The following ZDHHC23 variants were observed in gnomAD, a reference collection of about 807,000 sequenced individuals.
ZDHHC23 encodes the protein palmitoyltransferase ZDHHC23.
A neutral mutation model predicts 40.2 loss-of-function variants in ZDHHC23; 41 were observed. The observed-to-expected ratio is 1.02, with a 90% CI of 0.79 to 1.32. The LOEUF (loss-of-function observed/expected upper bound fraction) is 1.32, where lower values mean the gene tolerates loss of function less well. ZDHHC23 is among the 40% of genes most tolerant of loss of function. The pLI is 0.00. For synonymous variants in ZDHHC23, 204 were observed against 210.2 expected, an observed-to-expected ratio of 0.97 and a Z score of 0.26; for missense variants, 471 against 541.5, an observed-to-expected ratio of 0.87 and a Z score of 1.29.
chr3:113,974,934 G>C, the ZDHHC23 span, among the ~76,000 whole-genome samples: 1 of 152,018 alleles, frequency 6.6e-6, no homozygotes, highest in Admixed American at 6.6e-5. Context: ...CATGTTATTA[G>C]GTATTTTTTT....
downstream of ZDHHC23, chr3:113,965,069 G>C: frequency 1.5e-6 from 1 of 667,642 alleles, no homozygotes; most frequent in Non-Finnish European, 2.5e-6. Flanking sequence ...TAAACCAGGT[G>C]TATGTATGTA....
At chr3:113,979,324 C>T in the ZDHHC23 span, among the ~76,000 whole-genome samples, 2 of 152,184 alleles carry the variant, frequency 1.3e-5, no homozygotes, top group Non-Finnish European at 2.9e-5. Context: ...TAGCTGGCAA[C>T]ATTCTCAATT....
chr3:113,960,799 A>G lies in ZDHHC23; in HGVS notation c.*2169A>G. 1 of 1,498,288 alleles carries G rather than the reference A, an allele frequency of 6.7e-7. No individual in the cohort carries two copies. The allele number at this position is 1,498,288 out of a possible 1,614,324, so 92.8% of individuals were successfully genotyped here. A position where few individuals can be genotyped will look rare whatever the true frequency, so the allele number is the denominator to read the frequency against. The stretch of plus-strand genomic sequence containing the variant: ...TGTATTATTCAGGTTTATTGGCACG[A>G]AGATACTTGTTTTAAGTTCCTTGAG... On this transcript the variant is annotated 3_prime_UTR_variant, in exon 5 of 5. Coordinates refer to ENST00000638807, the MANE Select transcript of ZDHHC23 (RefSeq NM_001320466.2).
downstream of ZDHHC23, among the ~76,000 whole-genome samples, chr3:113,968,622 T>TTTTG (rs1000631629): frequency 6.8e-6 from 1 of 148,078 alleles, no homozygotes; most frequent in African/African-American, 2.5e-5. Flanking sequence ...GCTAATAGTT[T>TTTTG]TTTGTTTTTT....
intron 4 of ZDHHC23, among the ~76,000 whole-genome samples, chr3:113,956,941 C>T (rs1939282542): frequency 2.0e-5 from 3 of 152,166 alleles, no homozygotes; most frequent in Admixed American, 6.5e-5. Context: ...TTACTGCTTC[C>T]GACCCTTTTG....
downstream of ZDHHC23, among the ~76,000 whole-genome samples, chr3:113,969,377 CTTTGGTTG>C (rs551201637): frequency 1.1e-4 from 17 of 152,200 alleles, no homozygotes; most frequent in African/African-American, 4.1e-4. Context: ...TCTATTTTTG[CTTTGGTTG>C]TCTGTGCTTT....
At chr3:113,967,318 C>G (rs1307630369), downstream of ZDHHC23, among the ~76,000 whole-genome samples, 4 of 152,124 alleles carry the variant, frequency 2.6e-5, no homozygotes, top group Non-Finnish European at 5.9e-5. Flanking sequence ...CTGTTCTACC[C>G]TAACTGAAAA....
chr3:113,975,962 T>C, the ZDHHC23 span, among the ~76,000 whole-genome samples: 1 of 152,122 alleles, frequency 6.6e-6, no homozygotes, highest in Non-Finnish European at 1.5e-5. Flanking sequence ...TACTATTTTA[T>C]AGTCTAAAAA....
rs753716546 is a variant in ZDHHC23, at chr3:113,948,833, A to G, written c.31A>G (p.Lys11Glu). Residue 11 changes from lysine to glutamate, a missense_variant, in exon 2 of 5, where the codon AAG becomes GAG. Lys to Glu is a moderately conservative substitution (Grantham distance 56). This residue lies in a region of ZDHHC23 where 83 missense variants were observed against 67.8 expected (regional missense o/e 1.22). Coordinates refer to ENST00000638807, the MANE Select transcript of ZDHHC23 (RefSeq NM_001320466.2). Reference protein sequence around the residue: MTQKGSMKPVKKKKTEEPELE... With the variant: MTQKGSMKPVEKKKTEEPELE... ...ACAGAAGGGCAGTATGAAGCCTGTGAAGAAAAAGAAAACCGAAGAACCTGA... is the reference window on the plus strand; with the variant it reads ...ACAGAAGGGCAGTATGAAGCCTGTGGAGAAAAAGAAAACCGAAGAACCTGA... 60 of 1,614,050 alleles carry G rather than the reference A, an allele frequency of 3.7e-5. No homozygotes were observed. The highest frequency in any genetic ancestry group is 4.9e-5 in the Non-Finnish European group (58 of 1,180,040).
In ZDHHC23 at chr3:113,961,549, T is replaced by G. The variant is rs1424715558; in HGVS notation, c.*2919T>G. ...ATAGGTTACCCTGATGCTGCTAAAGTAAAGCCTTAAGTGTGTTTTTGGGAC... is the reference window on the plus strand; with the variant it reads ...ATAGGTTACCCTGATGCTGCTAAAGGAAAGCCTTAAGTGTGTTTTTGGGAC... On this transcript the variant is annotated 3_prime_UTR_variant, in exon 5 of 5. Coordinates refer to ENST00000638807, the MANE Select transcript of ZDHHC23 (RefSeq NM_001320466.2). The G allele has an allele frequency of 6.6e-6, 1 of 152,660 alleles. No homozygotes were observed. The highest frequency in any genetic ancestry group is 1.5e-5 in the Non-Finnish European group (1 of 68,036). 9.5% of individuals were successfully genotyped at this position (152,660 alleles called of 1,614,324 possible). A position where few individuals can be genotyped will look rare whatever the true frequency, so the allele number is the denominator to read the frequency against.
At chr3:113,968,712 A>G (rs535811859), downstream of ZDHHC23, among the ~76,000 whole-genome samples, 1 of 151,064 alleles carries the variant, frequency 6.6e-6, no homozygotes, top group African/African-American at 2.4e-5. Context: ...CACCCACCTT[A>G]GCCTCCCAAA....
rs148983505 is a variant in ZDHHC23 at position 113,949,603 on chromosome 3, T to C, written c.161+640T>C. On this transcript the variant is annotated intron_variant, in intron 2 of 4. Coordinates refer to ENST00000638807, the MANE Select transcript of ZDHHC23 (RefSeq NM_001320466.2). ...TTTTAACATCACTGAAAAAATTTGGTGTCGGACAGTGAATAATCTGGTTTT... is the reference window on the plus strand; with the variant it reads ...TTTTAACATCACTGAAAAAATTTGGCGTCGGACAGTGAATAATCTGGTTTT... Among the ~76,000 whole-genome samples, 33 of 152,366 alleles carry C rather than the reference T, an allele frequency of 2.2e-4. No homozygotes were observed. The East Asian group carries it at 5.0e-3, about 23-fold the overall frequency.
At chr3:113,972,102 T>G in the ZDHHC23 span, among the ~76,000 whole-genome samples, 1 of 152,090 alleles carries the variant, frequency 6.6e-6, no homozygotes, top group Non-Finnish European at 1.5e-5. Context: ...ATTATTTCCT[T>G]TCTTCTAATA....
the ZDHHC23 span, among the ~76,000 whole-genome samples, chr3:113,971,687 T>G: frequency 6.6e-6 from 1 of 152,238 alleles, no homozygotes; most frequent in Non-Finnish European, 1.5e-5. Flanking sequence ...GCTGGCCTGA[T>G]AGAATAAGTA....
chr3:113,960,270 C>T lies in ZDHHC23; in HGVS notation c.*1640C>T. 9.8e-7 allele frequency: 1 copy of T among 1,017,678 alleles called. No homozygotes were observed. The highest frequency in any genetic ancestry group is 1.2e-6 in the Non-Finnish European group (1 of 850,636). The allele number at this position is 1,017,678 out of a possible 1,614,324, so 63.0% of individuals were successfully genotyped here. A position where few individuals can be genotyped will look rare whatever the true frequency, so the allele number is the denominator to read the frequency against. ...GATGGTCACCATATTCTTATTCAGG[C>T]TGTTGTCATTTTCCCCAGAGATGGT... On this transcript the variant is annotated 3_prime_UTR_variant, in exon 5 of 5. Coordinates refer to ENST00000638807, the MANE Select transcript of ZDHHC23 (RefSeq NM_001320466.2).
chr3:113,961,320 A>G lies in ZDHHC23; in HGVS notation c.*2690A>G, dbSNP rs1057478929. On this transcript the variant is annotated 3_prime_UTR_variant, in exon 5 of 5. Transcript: ENST00000638807. Reference sequence around the variant, plus strand: ...CTACTATCATCTGGCCACTTAGATTATTATCACACCACTGTGGACTGTTCC... The same window carrying G: ...CTACTATCATCTGGCCACTTAGATTGTTATCACACCACTGTGGACTGTTCC... The G allele has an allele frequency of 2.6e-5, 4 of 152,232 alleles. No individual in the cohort carries two copies. The highest frequency in any genetic ancestry group is 4.8e-5 in the African/African-American group (2 of 41,316). The allele number at this position is 152,232 out of a possible 1,614,324, so 9.4% of individuals were successfully genotyped here. A position where few individuals can be genotyped will look rare whatever the true frequency, so the allele number is the denominator to read the frequency against.
At position 113,960,040 on chromosome 3, in the gene ZDHHC23, C is replaced by T; in HGVS notation, c.*1410C>T. 4 of 989,438 alleles carry T rather than the reference C, an allele frequency of 4.0e-6. No homozygotes were observed. The highest frequency in any genetic ancestry group is 4.8e-6 in the Non-Finnish European group (4 of 832,166). The allele number at this position is 989,438 out of a possible 1,614,324, so 61.3% of individuals were successfully genotyped here. Reference sequence around the variant, plus strand: ...TTGAACATGTACTGTTGTGCAATCCCAAAGATAATTCATGACTCCTTAAAT... The same window carrying T: ...TTGAACATGTACTGTTGTGCAATCCTAAAGATAATTCATGACTCCTTAAAT... On this transcript the variant is annotated 3_prime_UTR_variant, in exon 5 of 5. Transcript: ENST00000638807.
chr3:113,963,663 G>A (rs147884139), downstream of ZDHHC23, among the ~76,000 whole-genome samples: 234 of 151,238 alleles, frequency 1.5e-3, no homozygotes, highest in African/African-American at 5.3e-3. Context: ...CTGAGTCTGA[G>A]AGGTCCAGGA....
In ZDHHC23 at chr3:113,960,936, T is replaced by C; in HGVS notation, c.*2306T>C. The C allele has an allele frequency of 1.5e-6, 1 of 671,296 alleles. No homozygotes were observed. The highest frequency in any genetic ancestry group is 2.3e-6 in the Non-Finnish European group (1 of 433,804). The allele number at this position is 671,296 out of a possible 1,614,324, so 41.6% of individuals were successfully genotyped here. On this transcript the variant is annotated 3_prime_UTR_variant, in exon 5 of 5. Coordinates refer to ENST00000638807, the MANE Select transcript of ZDHHC23 (RefSeq NM_001320466.2). The stretch of plus-strand genomic sequence containing the variant: ...CCGAAAGGAGCAGCAAACAAGGGGC[T>C]AATCCATGAGCAGTGTTCTGTAGGC...
Sources: allele counts gnomAD v4.1 joint callset (sites outside exome capture counted in the v4.1 genomes callset), GRCh38; gene constraint gnomAD v4.1.1; regional missense constraint gnomAD v4.1.1; transcripts MANE v1.5; gene names NCBI Gene and HGNC (gene_info 2026-07-23, HGNC 2026-07-21).